Variants in ENPP1 observed in about 807,000 individuals in gnomAD.
The protein encoded by ENPP1 is ectonucleotide pyrophosphatase/phosphodiesterase family member 1.
ENPP1 carries 73 observed loss-of-function variants against 122.8 expected under a neutral mutation model. The ratio of observed to expected loss-of-function variants is 0.59; its 90% CI spans 0.49 to 0.72. The LOEUF is 0.72. ENPP1 is among the 30% of genes least tolerant of loss of function. The pLI is 0.00. For synonymous variants in ENPP1, 367 were observed against 391.6 expected, an observed-to-expected ratio of 0.94 and a Z score of 0.74; for missense variants, 978 against 1,128.1, an observed-to-expected ratio of 0.87 and a Z score of 1.91.
chr6:131,863,364 C>T (rs773755363), intron 9 of ENPP1, among the ~76,000 whole-genome samples: 5 of 152,062 alleles, frequency 3.3e-5, no homozygotes, highest in African/African-American at 1.2e-4. Context: ...AATGGAAGAA[C>T]CTCTTTGGCC....
chr6:131,857,959 T>C (rs1457772325), intron 6 of ENPP1, among the ~76,000 whole-genome samples: 1 of 152,160 alleles, frequency 6.6e-6, no homozygotes, highest in Non-Finnish European at 1.5e-5. Flanking sequence ...GCCCTAGCTT[T>C]GAATAATTAG....
In ENPP1 at chr6:131,882,419, A is replaced by T; in HGVS notation, c.2175A>T (p.Lys725Asn). Residue 725 changes from lysine (K) to asparagine (N), a missense_variant, in exon 21 of 25, where the codon AAA becomes AAT. Coordinates refer to ENST00000647893, the MANE Select transcript of ENPP1 (RefSeq NM_006208.3). Reference protein sequence around the residue: ...DFRIPLSPVHKCSFYKNNTKV... With the variant: ...DFRIPLSPVHNCSFYKNNTKV... ...GAATTCCTCTTAGTCCTGTCCATAA[A>T]TGTTCATTTTATAAAAATAACACCA... The T allele has an allele frequency of 6.2e-7, 1 of 1,609,222 alleles. No homozygotes were observed. The highest frequency in any genetic ancestry group is 8.5e-7 in the Non-Finnish European group (1 of 1,176,658).
At chr6:131,868,419 G>A (rs1334439045) in intron 12 of ENPP1, among the ~76,000 whole-genome samples, 1 of 152,088 alleles carries the variant, frequency 6.6e-6, no homozygotes, top group African/African-American at 2.4e-5. Context: ...AGTTGGAACT[G>A]ATTATTATAG....
chr6:131,837,775 G>T (rs1207820849), intron 1 of ENPP1, among the ~76,000 whole-genome samples: 1 of 152,042 alleles, frequency 6.6e-6, no homozygotes, highest in Non-Finnish European at 1.5e-5. Context: ...AGGGCATTCT[G>T]CTCTAAGACA....
At chr6:131,888,618 T>G (rs1782420183) in intron 24 of ENPP1, among the ~76,000 whole-genome samples, 1 of 152,200 alleles carries the variant, frequency 6.6e-6, no homozygotes, top group South Asian at 2.1e-4. Context: ...TATGATAAAC[T>G]TTCAGAATTA....
chr6:131,887,195 A>G (rs988283504), intron 24 of ENPP1, among the ~76,000 whole-genome samples: 1 of 152,114 alleles, frequency 6.6e-6, no homozygotes, highest in Non-Finnish European at 1.5e-5. Flanking sequence ...TCAAAGTGTC[A>G]GCACTGTTAT....
chr6:131,859,716 C>T (rs939551851), intron 7 of ENPP1, among the ~76,000 whole-genome samples: 2 of 152,068 alleles, frequency 1.3e-5, no homozygotes, highest in Non-Finnish European at 2.9e-5. Context: ...TTACACAGCC[C>T]TCCATATTTA....
chr6:131,890,628 C>G lies in ENPP1; in HGVS notation c.*117C>G. 2.2e-6 allele frequency: 2 copies of G among 895,702 alleles called. No individual in the cohort carries two copies. The highest frequency in any genetic ancestry group is 2.5e-5 in the East Asian group (1 of 39,486). 55.5% of individuals were successfully genotyped at this position (895,702 alleles called of 1,614,324 possible). A position where few individuals can be genotyped will look rare whatever the true frequency, so the allele number is the denominator to read the frequency against. ...CTGTCGACCAGAGTTAGAACGGAGCCCTCGGTGATGCGGACATCTCAGGGA... is the reference window on the plus strand; with the variant it reads ...CTGTCGACCAGAGTTAGAACGGAGCGCTCGGTGATGCGGACATCTCAGGGA... On this transcript the variant is annotated 3_prime_UTR_variant, in exon 25 of 25. Coordinates refer to ENST00000647893, the MANE Select transcript of ENPP1 (RefSeq NM_006208.3).
intron 1 of ENPP1, among the ~76,000 whole-genome samples, chr6:131,835,292 T>A (rs1781660585): frequency 6.6e-6 from 1 of 152,190 alleles, no homozygotes; most frequent in Non-Finnish European, 1.5e-5. Flanking sequence ...AATTATTTTG[T>A]CAATTGTCAT....
chr6:131,890,258 T>C, intron 24 of ENPP1, 83 bp from the exon 25 acceptor site: 1 of 1,106,186 alleles, frequency 9.0e-7, no homozygotes, highest in African/African-American at 1.5e-5. Flanking sequence ...TCGTAAATGA[T>C]TAAACTGGGG....
In ENPP1 at chr6:131,871,540, G is replaced by A. The variant is rs1482400933; in HGVS notation, c.1406-530G>A. ...TCATTTCCCCTCTCTAGAAACAACCGTTGTTAAGCTTGGATTATGTCTTCC... is the reference window on the plus strand; with the variant it reads ...TCATTTCCCCTCTCTAGAAACAACCATTGTTAAGCTTGGATTATGTCTTCC... On this transcript the variant is annotated intron_variant, in intron 13 of 24. Transcript: ENST00000647893. 2.6e-5 allele frequency among the ~76,000 whole-genome samples: 4 copies of A among 152,110 alleles called. No homozygotes were observed. The South Asian group carries it at 6.2e-4, about 24-fold the overall frequency.
In ENPP1 at chr6:131,852,266, T is replaced by A. The variant is rs767648698; in HGVS notation, c.617+31T>A. On this transcript the variant is annotated intron_variant, in intron 5 of 24. Coordinates refer to ENST00000647893, the MANE Select transcript of ENPP1 (RefSeq NM_006208.3). ...ATTATATTCTGAGGTATTAATTTTT[T>A]CTTTTTTAGAAGTACAGCATCATTT... The A allele has an allele frequency of 4.9e-6, 7 of 1,429,588 alleles. No individual in the cohort carries two copies. In the Admixed American group the frequency reaches 1.0e-4, roughly 21 times the overall value. The allele number at this position is 1,429,588 out of a possible 1,614,324, so 88.6% of individuals were successfully genotyped here. A position where few individuals can be genotyped will look rare whatever the true frequency, so the allele number is the denominator to read the frequency against.
At chr6:131,879,613 T>C (rs920821578) in intron 19 of ENPP1, among the ~76,000 whole-genome samples, 4 of 152,174 alleles carry the variant, frequency 2.6e-5, no homozygotes, top group Admixed American at 1.3e-4. Flanking sequence ...AACTTTGAAT[T>C]AACTGGAATA....
chr6:131,822,544 T>C (rs756781786), intron 1 of ENPP1, among the ~76,000 whole-genome samples: 1 of 152,100 alleles, frequency 6.6e-6, no homozygotes, highest in Non-Finnish European at 1.5e-5. Context: ...TTTGGGTTTT[T>C]TCCCCTCCAG....
intron 24 of ENPP1, among the ~76,000 whole-genome samples, chr6:131,889,209 C>T (rs1166262560): frequency 1.3e-5 from 2 of 152,158 alleles, no homozygotes; most frequent in African/African-American, 2.4e-5. Flanking sequence ...TGTCACAGAA[C>T]CAGCCTCTTT....
At chr6:131,822,682 T>G (rs186374047) in intron 1 of ENPP1, among the ~76,000 whole-genome samples, 54 of 152,274 alleles carry the variant, frequency 3.5e-4, no homozygotes, top group East Asian at 1.5e-3. Context: ...ATAGACAGCT[T>G]TCTAATGTAC....
intron 8 of ENPP1, 50 bp from the exon 9 acceptor site, chr6:131,861,545 G>A (rs1397477688): frequency 1.7e-6 from 2 of 1,158,926 alleles, no homozygotes; most frequent in African/African-American, 1.5e-5. Context: ...ACTTTCCTAA[G>A]AGATGAATGT....
intron 18 of ENPP1, chr6:131,877,631 T>A (rs1585837569): frequency 6.5e-6 from 1 of 154,540 alleles, no homozygotes; most frequent in African/African-American, 2.4e-5. Flanking sequence ...CCTTTTTTAC[T>A]TCCATGTTAA....
chr6:131,878,442 C>A, intron 18 of ENPP1, 100 bp from the exon 19 acceptor site: 1 of 778,936 alleles, frequency 1.3e-6, no homozygotes, highest in South Asian at 1.5e-5. Flanking sequence ...CATAAATGAT[C>A]TTTGTTCTAT....
Sources: allele counts gnomAD v4.1 joint callset (sites outside exome capture counted in the v4.1 genomes callset), GRCh38; gene constraint gnomAD v4.1.1; transcripts MANE v1.5; gene names NCBI Gene and HGNC (gene_info 2026-07-23, HGNC 2026-07-21).